ABHD17C: variants seen among roughly 807,000 people sequenced by gnomAD.
ABHD17C encodes the protein alpha/beta hydrolase domain-containing protein 17C.
In ABHD17C, 11 loss-of-function variants were observed where a neutral mutation model predicts 27.9. The ratio of observed to expected loss-of-function variants is 0.39; its 90% CI spans 0.25 to 0.65. The LOEUF is 0.65. Ranked by LOEUF, ABHD17C falls within the 30% of genes least tolerant of loss-of-function variation. The probability of loss-of-function intolerance (pLI) is 0.45; values close to 1 mark genes in which losing one functional copy is unlikely to be tolerated. For missense variants in ABHD17C, 280 were observed against 470.2 expected, an observed-to-expected ratio of 0.60 and a Z score of 3.74; for synonymous variants, 233 against 209.1, an observed-to-expected ratio of 1.11 and a Z score of -0.98.
At chr15:80,737,371 T>C (rs1895145452) in intron 1 of ABHD17C, among the ~76,000 whole-genome samples, 2 of 152,172 alleles carry the variant, frequency 1.3e-5, no homozygotes, top group Non-Finnish European at 2.9e-5. Flanking sequence ...ATCCCCAAGG[T>C]GATGGTAAAC....
At chr15:80,734,386 A>AG (rs1318082242) in intron 1 of ABHD17C, among the ~76,000 whole-genome samples, 1 of 152,208 alleles carries the variant, frequency 6.6e-6, no homozygotes, top group Non-Finnish European at 1.5e-5. Flanking sequence ...TGTAGAGAGA[A>AG]GGCAGCATTT....
At chr15:80,704,428 C>T (rs1224646343) in intron 1 of ABHD17C, among the ~76,000 whole-genome samples, 1 of 152,116 alleles carries the variant, frequency 6.6e-6, no homozygotes, top group East Asian at 1.9e-4. Context: ...AAGTTCCCAT[C>T]CTTGCTTCAC....
At chr15:80,725,496 A>G (rs1894960131) in intron 1 of ABHD17C, among the ~76,000 whole-genome samples, 3 of 146,942 alleles carry the variant, frequency 2.0e-5, no homozygotes, top group East Asian at 1.9e-4. Flanking sequence ...TGTCATTTTT[A>G]TAATTTTTAT....
intron 1 of ABHD17C, among the ~76,000 whole-genome samples, chr15:80,724,355 C>A (rs1018835407): frequency 3.9e-5 from 6 of 152,000 alleles, no homozygotes; most frequent in Non-Finnish European, 8.8e-5. Flanking sequence ...CCAAAAAAAA[C>A]CCCTTATCAT....
chr15:80,736,936 G>T (rs1344339473), intron 1 of ABHD17C, among the ~76,000 whole-genome samples: 1 of 152,202 alleles, frequency 6.6e-6, no homozygotes, highest in Non-Finnish European at 1.5e-5. Context: ...GGCGCTGTCA[G>T]CCTCCATTGC....
intron 1 of ABHD17C, among the ~76,000 whole-genome samples, chr15:80,732,957 G>T (rs960949638): frequency 6.6e-6 from 1 of 152,170 alleles, no homozygotes; most frequent in Non-Finnish European, 1.5e-5. Flanking sequence ...GCCTGGATGG[G>T]TGAAGGACTA....
At chr15:80,697,351 G>A (rs1894509204) in intron 1 of ABHD17C, among the ~76,000 whole-genome samples, 1 of 152,190 alleles carries the variant, frequency 6.6e-6, no homozygotes, top group South Asian at 2.1e-4. Flanking sequence ...CCAGTAAAGG[G>A]TTTCAAAAGT....
At chr15:80,722,489 T>A (rs1894910279) in intron 1 of ABHD17C, among the ~76,000 whole-genome samples, 1 of 152,180 alleles carries the variant, frequency 6.6e-6, no homozygotes, top group South Asian at 2.1e-4. Context: ...CATCAAACTG[T>A]CATCACTGTT....
chr15:80,726,333 GT>G (rs1685892709), intron 1 of ABHD17C, among the ~76,000 whole-genome samples: 1 of 152,116 alleles, frequency 6.6e-6, no homozygotes, highest in Non-Finnish European at 1.5e-5. Flanking sequence ...TTTACGGCCA[GT>G]TTTGGGGCCA....
chr15:80,748,172 C>T (rs1784296093), intron 1 of ABHD17C, among the ~76,000 whole-genome samples: 1 of 152,174 alleles, frequency 6.6e-6, no homozygotes, highest in Admixed American at 6.5e-5. Flanking sequence ...CATGGAGTTT[C>T]GTGGAGCTTG....
At chr15:80,725,599 A>C (rs1027697435) in intron 1 of ABHD17C, among the ~76,000 whole-genome samples, 3 of 152,048 alleles carry the variant, frequency 2.0e-5, no homozygotes, top group Admixed American at 1.3e-4. Flanking sequence ...TGCAGCCGTG[A>C]ACTTCTGGCC....
Position 80,754,307 on chromosome 15 carries a change from G to A in ABHD17C, c.927G>A (p.Glu309=), listed in dbSNP as rs371080035. The change falls in exon 3 of 3, where the codon GAG becomes GAA. Residue 309 remains glutamate (E), a synonymous_variant. Transcript: ENST00000258884. ...WVEGAGHNDI[E]LYAQYLERLK... ...AAGGGGCTGGGCATAATGACATAGA[G>A]CTTTATGCACAATACCTAGAAAGAC... 3.7e-4 allele frequency: 595 copies of A among 1,613,788 alleles called. 2 individuals are homozygous for A. Among genetic ancestry groups the A allele is most frequent in the Non-Finnish European group, 3.2e-4 (380 of 1,179,874 alleles).
intron 2 of ABHD17C, among the ~76,000 whole-genome samples, chr15:80,752,371 C>T (rs988989309): frequency 5.3e-5 from 8 of 152,122 alleles, no homozygotes; most frequent in Admixed American, 1.3e-4. Context: ...AAGTGGTCCG[C>T]GGCTTCCTGA....
chr15:80,746,630 T>G (rs1341379257), intron 1 of ABHD17C, among the ~76,000 whole-genome samples: 1 of 152,132 alleles, frequency 6.6e-6, no homozygotes, highest in Non-Finnish European at 1.5e-5. Flanking sequence ...GCACAATAGC[T>G]CTAGCTTCTC....
At chr15:80,726,733 G>C (rs1012667881) in intron 1 of ABHD17C, among the ~76,000 whole-genome samples, 1 of 151,882 alleles carries the variant, frequency 6.6e-6, no homozygotes, top group African/African-American at 2.4e-5. Flanking sequence ...AGGATGGTTA[G>C]TCAGGATGGT....
At chr15:80,730,682 A>G (rs1351938489) in intron 1 of ABHD17C, among the ~76,000 whole-genome samples, 1 of 152,204 alleles carries the variant, frequency 6.6e-6, no homozygotes, top group African/African-American at 2.4e-5. Context: ...TCGCAGGACA[A>G]AAAGCGTGTG....
chr15:80,744,470 A>C (rs1188714179), intron 1 of ABHD17C, among the ~76,000 whole-genome samples: 1 of 152,222 alleles, frequency 6.6e-6, no homozygotes, highest in Non-Finnish European at 1.5e-5. Context: ...ATACTTTCAC[A>C]GAATTATCTA....
At chr15:80,722,572 G>A (rs1315055035) in intron 1 of ABHD17C, among the ~76,000 whole-genome samples, 7 of 150,870 alleles carry the variant, frequency 4.6e-5, no homozygotes, top group Admixed American at 2.0e-4. Flanking sequence ...TTTGTGGTAA[G>A]AGCACTTTAC....
At chr15:80,710,533 A>G (rs1343258076) in intron 1 of ABHD17C, among the ~76,000 whole-genome samples, 7 of 152,186 alleles carry the variant, frequency 4.6e-5, no homozygotes, top group African/African-American at 7.2e-5. Context: ...AGTATTTTAG[A>G]TGAGAGATGC....
Sources: allele counts gnomAD v4.1 joint callset (sites outside exome capture counted in the v4.1 genomes callset), GRCh38; gene constraint gnomAD v4.1.1; transcripts MANE v1.5; gene names NCBI Gene and HGNC (gene_info 2026-07-23, HGNC 2026-07-21).